SNTB1: variants seen among roughly 807,000 people sequenced by gnomAD.
SNTB1 encodes syntrophin beta 1, also known as beta-1-syntrophin.
A neutral mutation model predicts 48.9 loss-of-function variants in SNTB1; 36 were observed. That is an observed-to-expected ratio of 0.74 (90% CI 0.56 to 0.97). The LOEUF (loss-of-function observed/expected upper bound fraction) is 0.97. SNTB1 is among the 50% of genes least tolerant of loss of function. The pLI is 0.00. For missense variants in SNTB1, 786 were observed against 703.4 expected (o/e 1.12, Z -1.33); for synonymous variants, 299 against 294.6 (o/e 1.01, Z -0.15).
intron 4 of SNTB1, among the ~76,000 whole-genome samples, chr8:120,572,087 C>T (rs1340212334): frequency 6.6e-6 from 1 of 151,994 alleles, no homozygotes; most frequent in African/African-American, 2.4e-5. Flanking sequence ...CTATTCACTA[C>T]TGGCATTTTA....
intron 1 of SNTB1, among the ~76,000 whole-genome samples, chr8:120,810,676 T>C (rs549475609): frequency 2.3e-4 from 35 of 152,266 alleles, no homozygotes; most frequent in African/African-American, 8.2e-4. Flanking sequence ...TCTCCAGGCA[T>C]AACCCTAGTC....
At chr8:120,683,883 A>T (rs1817981687) in intron 2 of SNTB1, among the ~76,000 whole-genome samples, 2 of 152,228 alleles carry the variant, frequency 1.3e-5, no homozygotes, top group South Asian at 4.1e-4. Flanking sequence ...CAATTAGAGG[A>T]TGCCAACATT....
chr8:120,782,962 C>CTT (rs1819854781), intron 1 of SNTB1, among the ~76,000 whole-genome samples: 2 of 152,160 alleles, frequency 1.3e-5, no homozygotes, highest in Non-Finnish European at 2.9e-5. Flanking sequence ...AAGAATATAT[C>CTT]TCTTCACAGG....
chr8:120,755,161 TGTGTGTGTGTGA>T (rs1337689495), intron 1 of SNTB1, among the ~76,000 whole-genome samples: 6 of 132,234 alleles, frequency 4.5e-5, no homozygotes, highest in African/African-American at 2.0e-4. Flanking sequence ...TGTGTGTGTG[TGTGTGTGTGTGA>T]GAGAGAGAGA....
At chr8:120,658,539 T>A (rs1335681112) in intron 2 of SNTB1, among the ~76,000 whole-genome samples, 1 of 152,198 alleles carries the variant, frequency 6.6e-6, no homozygotes, top group East Asian at 1.9e-4. Context: ...TTTTTTGGTT[T>A]CCCAGTGCAT....
chr8:120,747,111 A>T (rs1819138010), intron 1 of SNTB1, among the ~76,000 whole-genome samples: 1 of 152,150 alleles, frequency 6.6e-6, no homozygotes, highest in African/African-American at 2.4e-5. Flanking sequence ...AGAATATATC[A>T]CATGGTCTTA....
chr8:120,715,027 TA>T (rs1818531798), intron 1 of SNTB1, among the ~76,000 whole-genome samples: 1 of 152,238 alleles, frequency 6.6e-6, no homozygotes, highest in African/African-American at 2.4e-5. Context: ...TTCATTTATC[TA>T]AAAGACATAA....
intron 1 of SNTB1, among the ~76,000 whole-genome samples, chr8:120,793,693 A>G (rs1250589805): frequency 6.6e-6 from 1 of 152,014 alleles, no homozygotes; most frequent in African/African-American, 2.4e-5. Context: ...TATTAAACTT[A>G]AAACTCTACA....
chr8:120,543,449 CT>C (rs1815325252), intron 5 of SNTB1, among the ~76,000 whole-genome samples: 1 of 152,190 alleles, frequency 6.6e-6, no homozygotes, highest in Admixed American at 6.6e-5. Context: ...AAACCACACA[CT>C]TCTGAAGCTG....
At chr8:120,664,937 T>C (rs1261008308) in intron 2 of SNTB1, among the ~76,000 whole-genome samples, 1 of 152,198 alleles carries the variant, frequency 6.6e-6, no homozygotes, top group Non-Finnish European at 1.5e-5. Flanking sequence ...CAATACCTAA[T>C]ATAGTGATCA....
chr8:120,610,719 C>T (rs1471478887), intron 3 of SNTB1, among the ~76,000 whole-genome samples: 1 of 152,180 alleles, frequency 6.6e-6, no homozygotes, highest in Non-Finnish European at 1.5e-5. Flanking sequence ...TCCGGGATCT[C>T]GCATTGCTTC....
At chr8:120,763,179 C>T (rs1398283210) in intron 1 of SNTB1, among the ~76,000 whole-genome samples, 1 of 152,198 alleles carries the variant, frequency 6.6e-6, no homozygotes, top group East Asian at 1.9e-4. Flanking sequence ...TTATATATCG[C>T]ATTACTATAT....
chr8:120,614,280 T>G (rs1255942180), intron 3 of SNTB1, among the ~76,000 whole-genome samples: 1 of 152,234 alleles, frequency 6.6e-6, no homozygotes, highest in Non-Finnish European at 1.5e-5. Context: ...CTATCCTTAG[T>G]AGCCTGGTGG....
chr8:120,766,292 A>G (rs1819523740), intron 1 of SNTB1, among the ~76,000 whole-genome samples: 1 of 152,160 alleles, frequency 6.6e-6, no homozygotes, highest in African/African-American at 2.4e-5. Flanking sequence ...AGGATAAATA[A>G]TTGGCCAAAC....
chr8:120,620,144 A>G (rs1816771841), intron 3 of SNTB1, among the ~76,000 whole-genome samples: 1 of 152,136 alleles, frequency 6.6e-6, no homozygotes, highest in Non-Finnish European at 1.5e-5. Context: ...AGAGGCCTCT[A>G]TACAAACTCC....
intron 3 of SNTB1, among the ~76,000 whole-genome samples, chr8:120,605,025 G>A (rs1008178118): frequency 2.6e-5 from 4 of 152,134 alleles, no homozygotes; most frequent in African/African-American, 9.7e-5. Flanking sequence ...CCAAGTAGAG[G>A]TCCATGTCAT....
intron 1 of SNTB1, among the ~76,000 whole-genome samples, chr8:120,745,591 G>A (rs561568602): frequency 6.6e-6 from 1 of 152,022 alleles, no homozygotes; most frequent in Non-Finnish European, 1.5e-5. Context: ...GCCCTTCCTA[G>A]CTCCCTCATT....
At chr8:120,592,502 T>A (rs905491081) in intron 3 of SNTB1, among the ~76,000 whole-genome samples, 1 of 152,106 alleles carries the variant, frequency 6.6e-6, no homozygotes, top group African/African-American at 2.4e-5. Context: ...TTTTAAAAAA[T>A]TCATTTGTAC....
At chr8:120,745,379 C>A (rs760342807) in intron 1 of SNTB1, among the ~76,000 whole-genome samples, 1 of 152,090 alleles carries the variant, frequency 6.6e-6, no homozygotes, top group Non-Finnish European at 1.5e-5. Context: ...CCTGCCAGGA[C>A]CTTGCCCGAT....
Sources: allele counts gnomAD v4.1 joint callset (sites outside exome capture counted in the v4.1 genomes callset), GRCh38; gene constraint gnomAD v4.1.1; transcripts MANE v1.5; gene names NCBI Gene and HGNC (gene_info 2026-07-23, HGNC 2026-07-21).